Variants in TESK2 observed in about 807,000 individuals in gnomAD.
TESK2 encodes the protein testis associated actin remodelling kinase 2, also known as dual specificity testis-specific protein kinase 2.
TESK2 carries 39 observed loss-of-function variants against 57.1 expected under a neutral mutation model. That is an observed-to-expected ratio of 0.68 (90% CI 0.53 to 0.89). TESK2 has a LOEUF of 0.89. Ranked by LOEUF, TESK2 falls within the 40% of genes least tolerant of loss-of-function variation. The probability of loss-of-function intolerance (pLI) is 0.00; values close to 1 mark genes in which losing one functional copy is unlikely to be tolerated. For missense variants in TESK2, 646 were observed against 732.1 expected (o/e 0.88, Z 1.36); for synonymous variants, 249 against 267.9 (o/e 0.93, Z 0.69).
At chr1:45,439,615 G>A (rs1001326470) in intron 2 of TESK2, among the ~76,000 whole-genome samples, 8 of 152,066 alleles carry the variant, frequency 5.3e-5, no homozygotes, top group Non-Finnish European at 8.8e-5. Context: ...ATGAGGAAAC[G>A]GAGGCACAGA....
At chr1:45,369,341 A>C (rs1385102879) in intron 4 of TESK2, among the ~76,000 whole-genome samples, 2 of 152,014 alleles carry the variant, frequency 1.3e-5, no homozygotes, top group African/African-American at 4.8e-5. Flanking sequence ...TCTACTAAAA[A>C]TACAACAAAA....
intron 5 of TESK2, among the ~76,000 whole-genome samples, 181 bp downstream of exon 5, chr1:45,355,122 T>C (rs529888294): frequency 6.6e-6 from 1 of 152,226 alleles, no homozygotes; most frequent in East Asian, 1.9e-4. Flanking sequence ...CACTCCAGCC[T>C]GGGCAACAGA....
intron 4 of TESK2, among the ~76,000 whole-genome samples, chr1:45,380,987 A>C (rs1027048551): frequency 3.3e-5 from 5 of 152,262 alleles, no homozygotes; most frequent in African/African-American, 1.2e-4. Flanking sequence ...TAGACTTTGA[A>C]GTCAGATGAA....
intron 2 of TESK2, among the ~76,000 whole-genome samples, chr1:45,444,393 T>C (rs1429851551): frequency 6.6e-6 from 1 of 152,186 alleles, no homozygotes; most frequent in Non-Finnish European, 1.5e-5. Context: ...AATTAAACAA[T>C]TACTTTCTAA....
chr1:45,372,354 G>A (rs1185598783), intron 4 of TESK2, among the ~76,000 whole-genome samples: 1 of 151,944 alleles, frequency 6.6e-6, no homozygotes, highest in Non-Finnish European at 1.5e-5. Flanking sequence ...GAGGCAGGCA[G>A]ATCACCTGAG....
chr1:45,473,957 C>T (rs918144072), intron 1 of TESK2, among the ~76,000 whole-genome samples: 4 of 151,720 alleles, frequency 2.6e-5, no homozygotes, highest in Non-Finnish European at 5.9e-5. Flanking sequence ...GCCATCATGC[C>T]CAGCCAATTG....
intron 5 of TESK2, among the ~76,000 whole-genome samples, chr1:45,354,834 A>G (rs1647354432): frequency 1.4e-5 from 1 of 72,012 alleles, no homozygotes; most frequent in Non-Finnish European, 2.7e-5. Flanking sequence ...ATATATATAT[A>G]TATATATATA....
At chr1:45,356,224 T>A (rs1025768752) in intron 4 of TESK2, among the ~76,000 whole-genome samples, 1 of 151,882 alleles carries the variant, frequency 6.6e-6, no homozygotes, top group Non-Finnish European at 1.5e-5. Flanking sequence ...AAAAACTTGA[T>A]AATTGCCTGG....
chr1:45,357,993 G>A (rs1647511341), intron 4 of TESK2, among the ~76,000 whole-genome samples: 1 of 114,754 alleles, frequency 8.7e-6, no homozygotes, highest in African/African-American at 3.5e-5. Flanking sequence ...AAGTGACGGA[G>A]TGAAACTCCG....
chr1:45,403,923 C>T (rs1649735270), intron 3 of TESK2, among the ~76,000 whole-genome samples: 1 of 139,408 alleles, frequency 7.2e-6, no homozygotes, highest in Non-Finnish European at 1.5e-5. Context: ...AAAGGCAGAA[C>T]TATTAATACA....
At chr1:45,364,459 C>G (rs918407578) in intron 4 of TESK2, among the ~76,000 whole-genome samples, 4 of 152,328 alleles carry the variant, frequency 2.6e-5, no homozygotes, top group African/African-American at 9.6e-5. Flanking sequence ...TCCCGTAGAG[C>G]CTTCAGAGAG....
chr1:45,482,700 C>T (rs549471670), intron 1 of TESK2, among the ~76,000 whole-genome samples: 2 of 151,880 alleles, frequency 1.3e-5, no homozygotes, highest in South Asian at 4.2e-4. Flanking sequence ...ATACCTGGGG[C>T]CAGGCGTGGT....
In TESK2 at chr1:45,481,929, G is replaced by A. The variant is rs192984183; in HGVS notation, c.-87+8923C>T. On this transcript the variant is annotated intron_variant, in intron 1 of 10. Transcript: ENST00000372086. ...AAAGGTGCAGTATTAAATCACAACTGCATAAAATTGACTATAGTATATACT... is the reference window on the plus strand; with the variant it reads ...AAAGGTGCAGTATTAAATCACAACTACATAAAATTGACTATAGTATATACT... 2.1e-3 allele frequency among the ~76,000 whole-genome samples: 322 copies of A among 152,216 alleles called. 1 individual carries two copies. Among genetic ancestry groups the A allele is most frequent in the Non-Finnish European group, 3.7e-3 (254 of 68,020 alleles).
chr1:45,401,146 C>A (rs1166817449), intron 3 of TESK2, among the ~76,000 whole-genome samples: 4 of 151,810 alleles, frequency 2.6e-5, no homozygotes, highest in Non-Finnish European at 4.4e-5. Context: ...TCTGTAATCC[C>A]AGCACTTTGG....
At chr1:45,418,298 T>C (rs901665167) in intron 3 of TESK2, among the ~76,000 whole-genome samples, 6 of 152,222 alleles carry the variant, frequency 3.9e-5, no homozygotes, top group Non-Finnish European at 5.9e-5. Context: ...AAGCCTCATC[T>C]ACCTCACTCT....
intron 2 of TESK2, among the ~76,000 whole-genome samples, chr1:45,448,237 CAAAA>C (rs762537140): frequency 1.2e-5 from 1 of 84,368 alleles, no homozygotes; most frequent in Non-Finnish European, 2.3e-5. Flanking sequence ...GACCCTGTCT[CAAAA>C]AAAAAAAAAA....
intron 3 of TESK2, among the ~76,000 whole-genome samples, chr1:45,409,277 A>G (rs776224813): frequency 2.6e-5 from 4 of 152,236 alleles, no homozygotes; most frequent in Non-Finnish European, 5.9e-5. Flanking sequence ...ACTAGTCAAA[A>G]AGATTTCTTT....
chr1:45,370,192 G>C (rs55786026), intron 4 of TESK2, among the ~76,000 whole-genome samples: 10,426 of 152,114 alleles, frequency 0.069, 1,225 homozygotes, highest in African/African-American at 0.24. Flanking sequence ...ATTATAGTAG[G>C]GCATAAAGGA....
intron 4 of TESK2, among the ~76,000 whole-genome samples, chr1:45,375,031 T>A (rs901396290): frequency 2.6e-5 from 4 of 152,192 alleles, no homozygotes; most frequent in Non-Finnish European, 5.9e-5. Context: ...AACTCTCACC[T>A]TTTTTGCAGT....
Sources: gnomAD v4.1 joint callset for allele counts (sites outside exome capture counted in the v4.1 genomes callset) on GRCh38, gnomAD v4.1.1 for gene constraint, MANE v1.5 for transcripts, NCBI Gene and HGNC (gene_info 2026-07-23, HGNC 2026-07-21) for gene names.